TACR3: variants seen among roughly 807,000 people sequenced by gnomAD.
TACR3 encodes tachykinin receptor 3.
Under a neutral mutation model 35.0 loss-of-function variants are expected in TACR3, and 34 were observed. The ratio of observed to expected loss-of-function variants is 0.97; its 90% CI spans 0.74 to 1.30. TACR3 has a LOEUF of 1.30. TACR3 is among the 50% of genes most tolerant of loss of function. The pLI, the probability that TACR3 is intolerant of heterozygous loss-of-function variation, is 0.00. For synonymous variants in TACR3, 233 were observed against 221.1 expected (o/e 1.05, Z -0.48); for missense variants, 558 against 591.7 (o/e 0.94, Z 0.59).
intron 1 of TACR3, among the ~76,000 whole-genome samples, chr4:103,695,665 T>C (rs1025082442): frequency 1.3e-5 from 2 of 151,964 alleles, no homozygotes; most frequent in Non-Finnish European, 2.9e-5. Flanking sequence ...TGCCCCTAAG[T>C]CCTGCATTGC....
intron 1 of TACR3, among the ~76,000 whole-genome samples, chr4:103,683,910 T>C (rs1333133992): frequency 6.6e-6 from 1 of 151,826 alleles, no homozygotes; most frequent in Non-Finnish European, 1.5e-5. Flanking sequence ...CATCCAAAAA[T>C]GGTATTTGTT....
intron 2 of TACR3, 95 bp downstream of exon 2, chr4:103,658,120 G>A: frequency 8.2e-7 from 1 of 1,218,536 alleles, no homozygotes; most frequent in Non-Finnish European, 1.2e-6. Flanking sequence ...GAACCCTGGG[G>A]GAAATGTCAG....
At chr4:103,619,956 GCAAA>G (rs1724739505) in intron 3 of TACR3, among the ~76,000 whole-genome samples, 1 of 151,878 alleles carries the variant, frequency 6.6e-6, no homozygotes, top group Non-Finnish European at 1.5e-5. Flanking sequence ...TATCAACAGA[GCAAA>G]CAGACAACCT....
At chr4:103,688,924 A>T (rs2110215282) in intron 1 of TACR3, among the ~76,000 whole-genome samples, 1 of 152,272 alleles carries the variant, frequency 6.6e-6, no homozygotes. Context: ...ACTATAAATC[A>T]TGCTGCTATA....
intron 1 of TACR3, among the ~76,000 whole-genome samples, chr4:103,662,990 A>C (rs1725862067): frequency 6.6e-6 from 1 of 152,238 alleles, no homozygotes; most frequent in African/African-American, 2.4e-5. Flanking sequence ...AGGTGGAAGA[A>C]GCATCATATT....
intron 3 of TACR3, among the ~76,000 whole-genome samples, chr4:103,622,494 G>T (rs1724805182): frequency 6.6e-6 from 1 of 152,176 alleles, no homozygotes; most frequent in South Asian, 2.1e-4. Context: ...CAGTTTGGGA[G>T]GCTGAGGCAG....
intron 1 of TACR3, among the ~76,000 whole-genome samples, chr4:103,689,120 A>T (rs2110215458): frequency 6.6e-6 from 1 of 151,736 alleles, no homozygotes; most frequent in Admixed American, 6.6e-5. Flanking sequence ...TGAAATTGGA[A>T]ATCATCATTC....
In TACR3 at chr4:103,586,429, C is replaced by G. The variant is rs577778607; in HGVS notation, c.*3253G>C. 8.5e-5 allele frequency: 13 copies of G among 152,110 alleles called. No individual in the cohort carries two copies. The highest frequency in any genetic ancestry group is 3.1e-4 in the African/African-American group (13 of 41,504). 9.4% of individuals were successfully genotyped at this position (152,110 alleles called of 1,614,324 possible). On this transcript the variant is annotated 3_prime_UTR_variant, in exon 5 of 5. Transcript: ENST00000304883. ...AAGTGTGAGAAATGTTTGTAAGTCT[C>G]CTGCTTTTCTATTTGATGAAATAGT...
chr4:103,591,273 A>G, intron 4 of TACR3: 1 of 597,324 alleles, frequency 1.7e-6, no homozygotes, highest in Non-Finnish European at 3.0e-6. Context: ...GAACCCCAAG[A>G]TCATTATTTG....
intron 1 of TACR3, among the ~76,000 whole-genome samples, chr4:103,685,167 A>G (rs538193498): frequency 6.6e-6 from 1 of 152,260 alleles, no homozygotes; most frequent in Non-Finnish European, 1.5e-5. Context: ...TGGTAAAGAC[A>G]TAGATCAATG....
At chr4:103,680,267 G>T (rs539525722) in intron 1 of TACR3, among the ~76,000 whole-genome samples, 3 of 151,650 alleles carry the variant, frequency 2.0e-5, no homozygotes, top group African/African-American at 7.2e-5. Context: ...TGAAGCAGCA[G>T]TCACACCTAC....
intron 3 of TACR3, among the ~76,000 whole-genome samples, chr4:103,593,616 C>A (rs973704778): frequency 2.0e-5 from 3 of 152,122 alleles, no homozygotes; most frequent in African/African-American, 7.2e-5. Flanking sequence ...ATTCCTTGAA[C>A]AGGGTAGTTA....
chr4:103,659,456 G>T (rs1418081422), intron 1 of TACR3, among the ~76,000 whole-genome samples: 1 of 152,062 alleles, frequency 6.6e-6, no homozygotes, highest in Non-Finnish European at 1.5e-5. Flanking sequence ...ACTTGACAAA[G>T]ATGTGAAACT....
chr4:103,640,303 A>G (rs908376064), intron 3 of TACR3, among the ~76,000 whole-genome samples: 1 of 152,064 alleles, frequency 6.6e-6, no homozygotes, highest in Non-Finnish European at 1.5e-5. Flanking sequence ...AAGAAATTTA[A>G]AAAGGCTTTT....
chr4:103,599,181 G>T (rs1361343073), intron 3 of TACR3, among the ~76,000 whole-genome samples: 1 of 152,136 alleles, frequency 6.6e-6, no homozygotes, highest in East Asian at 1.9e-4. Context: ...TCCCTTGTAA[G>T]TTGGATTCCT....
chr4:103,701,517 CATGACTTTCTTCACAGAATTGGAAT>C (rs1388529206), intron 1 of TACR3, among the ~76,000 whole-genome samples: 2 of 152,000 alleles, frequency 1.3e-5, no homozygotes, highest in Non-Finnish European at 2.9e-5. Flanking sequence ...TCAAGCTACC[CATGACTTTCTTCACAGAATTGGAAT>C]AAACTACTTT....
In TACR3 at chr4:103,650,818, TATATAATAATATATATATC is replaced by T. The variant is rs1725595979; in HGVS notation, c.888+5357_888+5375del. 3.9e-3 allele frequency among the ~76,000 whole-genome samples: 5 copies of T among 1,282 alleles called. 2 individuals are homozygous for T. The highest frequency in any genetic ancestry group is 0.029 in the Admixed American group (1 of 34). 0.8% of individuals were successfully genotyped at this position (1,282 alleles called of 152,430 possible). ...ATATATTTTATATATAATAATATATTATATAATAATATATATATCTTATATATAATAATATATATATCTC... is the reference window on the plus strand; with the variant it reads ...ATATATTTTATATATAATAATATATTTTATATATAATAATATATATATCTC... On this transcript the variant is annotated intron_variant, in intron 3 of 4. Coordinates refer to ENST00000304883, the MANE Select transcript of TACR3 (RefSeq NM_001059.3).
At chr4:103,658,750 T>A (rs997735588) in intron 1 of TACR3, among the ~76,000 whole-genome samples, 1 of 152,140 alleles carries the variant, frequency 6.6e-6, no homozygotes, top group Non-Finnish European at 1.5e-5. Flanking sequence ...AAGGATCGGT[T>A]TTATGGAAGA....
At chr4:103,697,210 A>G (rs1413083599) in intron 1 of TACR3, among the ~76,000 whole-genome samples, 1 of 152,138 alleles carries the variant, frequency 6.6e-6, no homozygotes, top group East Asian at 1.9e-4. Context: ...CAGATTTTGA[A>G]AGAAGGAATG....
Sources: allele counts gnomAD v4.1 joint callset (sites outside exome capture counted in the v4.1 genomes callset), GRCh38; gene constraint gnomAD v4.1.1; transcripts MANE v1.5; gene names NCBI Gene and HGNC (gene_info 2026-07-23, HGNC 2026-07-21).